Variants in IQCM observed in about 807,000 individuals in gnomAD.
The protein encoded by IQCM is IQ motif containing M.
Under a neutral mutation model 57.6 loss-of-function variants are expected in IQCM, and 45 were observed. The observed-to-expected ratio is 0.78, with a 90% CI of 0.62 to 1.00. The LOEUF is 1.00. Among genes scored for constraint, IQCM ranks in the 50% least tolerant of loss-of-function variants. The pLI, the probability that IQCM is intolerant of heterozygous loss-of-function variation, is 0.00. For missense variants in IQCM, 468 were observed against 511.6 expected, an observed-to-expected ratio of 0.91 and a Z score of 0.82; for synonymous variants, 148 against 158.9, an observed-to-expected ratio of 0.93 and a Z score of 0.51.
chr4:149,726,949 T>C (rs1479885899), intron 5 of IQCM, among the ~76,000 whole-genome samples: 1 of 152,016 alleles, frequency 6.6e-6, no homozygotes, highest in African/African-American at 2.4e-5. Context: ...AGAGATGGCA[T>C]TTCACCATGT....
intron 2 of IQCM, among the ~76,000 whole-genome samples, chr4:149,773,618 T>C (rs912005832): frequency 6.6e-6 from 1 of 152,224 alleles, no homozygotes; most frequent in African/African-American, 2.4e-5. Flanking sequence ...AACTGTAAGA[T>C]AAAGCTGATG....
At chr4:149,649,707 C>T (rs973989389) in intron 7 of IQCM, among the ~76,000 whole-genome samples, 5 of 152,072 alleles carry the variant, frequency 3.3e-5, no homozygotes, top group African/African-American at 1.2e-4. Context: ...CCAAGGCCTC[C>T]ATTTCTTTGA....
chr4:149,385,149 T>C (rs1681704127), intron 13 of IQCM, among the ~76,000 whole-genome samples: 1 of 152,090 alleles, frequency 6.6e-6, no homozygotes. Context: ...CTAGCTATAT[T>C]CCGGAGCTTA....
intron 12 of IQCM, among the ~76,000 whole-genome samples, chr4:149,487,350 AG>A (rs754727412): frequency 6.6e-6 from 1 of 152,162 alleles, no homozygotes; most frequent in Non-Finnish European, 1.5e-5. Flanking sequence ...CTCTTTAAGC[AG>A]AAAGGATTCA....
At chr4:149,669,723 T>C (rs187437686) in intron 7 of IQCM, among the ~76,000 whole-genome samples, 3 of 152,338 alleles carry the variant, frequency 2.0e-5, no homozygotes, top group African/African-American at 7.2e-5. Context: ...GCACCATTTA[T>C]TAAATAGGGA....
intron 7 of IQCM, among the ~76,000 whole-genome samples, chr4:149,672,675 A>C (rs1761405179): frequency 6.6e-6 from 1 of 152,214 alleles, no homozygotes; most frequent in Non-Finnish European, 1.5e-5. Flanking sequence ...AGTGACAGGG[A>C]GAGTGGAACC....
intron 12 of IQCM, among the ~76,000 whole-genome samples, chr4:149,514,260 G>A (rs185878264): frequency 2.6e-5 from 4 of 152,228 alleles, no homozygotes; most frequent in African/African-American, 7.2e-5. Flanking sequence ...TCTTAATCAC[G>A]TGAAAATTTG....
chr4:149,464,955 A>G (rs925962323), intron 12 of IQCM, among the ~76,000 whole-genome samples: 2 of 152,198 alleles, frequency 1.3e-5, no homozygotes, highest in Non-Finnish European at 2.9e-5. Context: ...AATAGTTATG[A>G]AGTCTAGATG....
At chr4:149,546,950 T>G (rs1748503178) in intron 12 of IQCM, among the ~76,000 whole-genome samples, 1 of 152,236 alleles carries the variant, frequency 6.6e-6, no homozygotes, top group Non-Finnish European at 1.5e-5. Flanking sequence ...TTTTATGGTT[T>G]TAGGTCTAAC....
chr4:149,526,917 A>T (rs1323670764), intron 12 of IQCM, among the ~76,000 whole-genome samples: 1 of 152,110 alleles, frequency 6.6e-6, no homozygotes, highest in Non-Finnish European at 1.5e-5. Context: ...AAAAATTTTT[A>T]AATAATATAT....
intron 13 of IQCM, among the ~76,000 whole-genome samples, chr4:149,363,238 C>T (rs1468101276): frequency 6.6e-6 from 1 of 152,154 alleles, no homozygotes; most frequent in Admixed American, 6.5e-5. Context: ...ACAGCATGAC[C>T]TGGACAGGTG....
chr4:149,386,322 C>G (rs1038301233), intron 13 of IQCM, among the ~76,000 whole-genome samples: 1 of 151,904 alleles, frequency 6.6e-6, no homozygotes, highest in Non-Finnish European at 1.5e-5. Context: ...AAATTTTAAT[C>G]ACAATTATTT....
intron 8 of IQCM, among the ~76,000 whole-genome samples, chr4:149,600,506 T>C (rs951608070): frequency 1.3e-5 from 2 of 152,318 alleles, no homozygotes; most frequent in African/African-American, 4.8e-5. Context: ...GGAGTTCACA[T>C]TAGATTTTTA....
chr4:149,454,376 C>A (rs1737460917), intron 12 of IQCM, among the ~76,000 whole-genome samples: 1 of 151,678 alleles, frequency 6.6e-6, no homozygotes, highest in Non-Finnish European at 1.5e-5. Flanking sequence ...AACAGAAAAC[C>A]AAATATTGCA....
chr4:149,635,938 G>C (rs939099359), intron 7 of IQCM, among the ~76,000 whole-genome samples: 3 of 152,088 alleles, frequency 2.0e-5, no homozygotes, highest in African/African-American at 7.2e-5. Flanking sequence ...CAGCCTCACA[G>C]AATAAGAGAT....
At chr4:149,416,868 T>C (rs1733784750) in intron 13 of IQCM, among the ~76,000 whole-genome samples, 1 of 152,028 alleles carries the variant, frequency 6.6e-6, no homozygotes, top group Non-Finnish European at 1.5e-5. Flanking sequence ...ATGGAAGAAG[T>C]AGAAAGCAAG....
chr4:149,569,057 C>T lies in IQCM; in HGVS notation c.750-5167G>A, dbSNP rs139802819. 2.1e-3 allele frequency among the ~76,000 whole-genome samples: 325 copies of T among 152,272 alleles called. 2 individuals are homozygous for T. The highest frequency in any genetic ancestry group is 7.6e-3 in the African/African-American group (318 of 41,572). On this transcript the variant is annotated intron_variant, in intron 9 of 13. Coordinates refer to ENST00000636793, the MANE Select transcript of IQCM (RefSeq NM_001363507.2). ...ACAGTTTCATTCTTTCAGAACCCTA[C>T]ATCTACATGACAATAAGCCAGCAAA...
chr4:149,470,349 A>G (rs903067179), intron 12 of IQCM, among the ~76,000 whole-genome samples: 1 of 152,160 alleles, frequency 6.6e-6, no homozygotes, highest in African/African-American at 2.4e-5. Flanking sequence ...AAGACTTTAA[A>G]CCAACAAAGA....
At chr4:149,464,199 C>T (rs757789919) in intron 12 of IQCM, among the ~76,000 whole-genome samples, 2 of 152,150 alleles carry the variant, frequency 1.3e-5, no homozygotes, top group African/African-American at 4.8e-5. Context: ...CACAACTCTA[C>T]GTAAGGGTTG....
Sources: gnomAD v4.1 joint callset for allele counts (sites outside exome capture counted in the v4.1 genomes callset) on GRCh38, gnomAD v4.1.1 for gene constraint, MANE v1.5 for transcripts, NCBI Gene and HGNC (gene_info 2026-07-23, HGNC 2026-07-21) for gene names.